RGS20: variants seen among roughly 807,000 people sequenced by gnomAD.
The protein encoded by RGS20 is regulator of G protein signaling 20, also known as gz-selective GTPase-activating protein.
A neutral mutation model predicts 33.6 loss-of-function variants in RGS20; 30 were observed. The ratio of observed to expected loss-of-function variants is 0.89; its 90% CI spans 0.67 to 1.21. RGS20 has a LOEUF of 1.21. Ranked by LOEUF, RGS20 falls within the 50% of genes most tolerant of loss-of-function variation. The probability of loss-of-function intolerance (pLI) is 0.00; values close to 1 mark genes in which losing one functional copy is unlikely to be tolerated. For missense variants in RGS20, 472 were observed against 502.4 expected (o/e 0.94, Z 0.58); for synonymous variants, 208 against 197.9 (o/e 1.05, Z -0.43).
At chr8:53,912,302 A>C (rs528787161) in intron 2 of RGS20, among the ~76,000 whole-genome samples, 35 of 152,006 alleles carry the variant, frequency 2.3e-4, no homozygotes, top group African/African-American at 7.7e-4. Context: ...AATGGAGTTG[A>C]GATTTAAGCC....
intron 1 of RGS20, among the ~76,000 whole-genome samples, chr8:53,862,210 A>G (rs1811824929): frequency 6.6e-6 from 1 of 152,152 alleles, no homozygotes; most frequent in South Asian, 2.1e-4. Context: ...ATTCTGGCCT[A>G]GTTTCTCCCT....
At chr8:53,902,506 G>A (rs1813058492) in intron 2 of RGS20, among the ~76,000 whole-genome samples, 1 of 152,180 alleles carries the variant, frequency 6.6e-6, no homozygotes, top group South Asian at 2.1e-4. Flanking sequence ...AGCGGTGCGG[G>A]AGAGTTCTGG....
chr8:53,879,294 G>T lies in RGS20; in HGVS notation c.202G>T (p.Ala68Ser). The stretch of plus-strand genomic sequence containing the variant: ...TGCACAGCTCCCAGACTCGCCCGCC[G>T]CCCCGAAGCTGTTCGGCCTCCTTTC... Residue 68 changes from alanine to serine, a missense_variant, in exon 2 of 6, where the codon GCC becomes TCC. By Grantham distance (99) the Ala-to-Ser change is moderately conservative. This residue lies in a region of RGS20 where 319 missense variants were observed against 283.4 expected (regional missense o/e 1.13). Coordinates refer to ENST00000297313, the MANE Select transcript of RGS20 (RefSeq NM_170587.4). The T allele has an allele frequency of 1.2e-6, 2 of 1,613,284 alleles. No homozygotes were observed. Among genetic ancestry groups the T allele is most frequent in the Non-Finnish European group, 1.7e-6 (2 of 1,179,886 alleles).
chr8:53,918,594 G>T (rs1387208868), intron 2 of RGS20, among the ~76,000 whole-genome samples: 1 of 151,948 alleles, frequency 6.6e-6, no homozygotes, highest in African/African-American at 2.4e-5. Flanking sequence ...CACTATGTTG[G>T]TCAGGCTGGT....
intron 1 of RGS20, among the ~76,000 whole-genome samples, chr8:53,862,809 A>T (rs1811838230): frequency 6.6e-6 from 1 of 152,166 alleles, no homozygotes; most frequent in Non-Finnish European, 1.5e-5. Flanking sequence ...TAAAAAGAAA[A>T]GAAAATCTCC....
intron 3 of RGS20, among the ~76,000 whole-genome samples, chr8:53,941,344 T>G (rs1014594955): frequency 6.6e-6 from 1 of 152,028 alleles, no homozygotes; most frequent in Non-Finnish European, 1.5e-5. Flanking sequence ...TTCAAGAGTG[T>G]GGGTAAAATA....
chr8:53,898,714 A>G (rs762778872), intron 2 of RGS20, among the ~76,000 whole-genome samples: 3 of 152,264 alleles, frequency 2.0e-5, no homozygotes, highest in Non-Finnish European at 4.4e-5. Context: ...TAAAAGCTGA[A>G]CTGTAATTAG....
At chr8:53,950,515 G>A (rs918295837) in intron 4 of RGS20, among the ~76,000 whole-genome samples, 3 of 152,046 alleles carry the variant, frequency 2.0e-5, no homozygotes, top group Non-Finnish European at 4.4e-5. Context: ...TTCAGATTTT[G>A]GAGCAATATG....
At chr8:53,860,724 G>T (rs1203446243) in intron 1 of RGS20, among the ~76,000 whole-genome samples, 1 of 152,222 alleles carries the variant, frequency 6.6e-6, no homozygotes, top group Non-Finnish European at 1.5e-5. Flanking sequence ...CCAGCACTCT[G>T]GGAGGCCAAG....
chr8:53,866,917 A>ATG (rs1172286907), intron 1 of RGS20, among the ~76,000 whole-genome samples: 2 of 152,044 alleles, frequency 1.3e-5, no homozygotes, highest in African/African-American at 4.8e-5. Flanking sequence ...TGGGGTTTGG[A>ATG]CGTGTGTGTG....
intron 1 of RGS20, among the ~76,000 whole-genome samples, chr8:53,867,289 C>A (rs1811942166): frequency 6.6e-6 from 1 of 152,128 alleles, no homozygotes; most frequent in Admixed American, 6.6e-5. Context: ...TTCTGAGCAA[C>A]TCCATCCCCT....
At chr8:53,933,242 A>C (rs1000785430) in intron 2 of RGS20, among the ~76,000 whole-genome samples, 1 of 152,196 alleles carries the variant, frequency 6.6e-6, no homozygotes, top group Non-Finnish European at 1.5e-5. Context: ...CAAGGGAACA[A>C]AACTGGACAG....
intron 3 of RGS20, among the ~76,000 whole-genome samples, chr8:53,943,676 G>A (rs1043820374): frequency 1.2e-4 from 18 of 152,168 alleles, no homozygotes; most frequent in African/African-American, 3.9e-4. Flanking sequence ...GAGGGAAAAA[G>A]TATATCAAAG....
rs77338083 is a variant in RGS20, at chr8:53,896,733, A to T, written c.510+17131A>T. On this transcript the variant is annotated intron_variant, in intron 2 of 5. Coordinates refer to ENST00000297313, the MANE Select transcript of RGS20 (RefSeq NM_170587.4). ...TCCTTTGGGTATGCACTATTTCAAC[A>T]TTCAGCATTTTCATATTAACAGGAA... Among the ~76,000 whole-genome samples the T allele has an allele frequency of 5.6e-3, 857 of 152,342 alleles. 5 individuals are homozygous for T. The highest frequency in any genetic ancestry group is 9.1e-3 in the Non-Finnish European group (622 of 68,018).
chr8:53,956,001 G>C (rs1585968318), intron 5 of RGS20, among the ~76,000 whole-genome samples: 1 of 152,086 alleles, frequency 6.6e-6, no homozygotes, highest in African/African-American at 2.4e-5. Context: ...AGATGTGGGC[G>C]GACAGACCAG....
chr8:53,882,454 A>G (rs1391642698), intron 2 of RGS20, among the ~76,000 whole-genome samples: 2 of 152,070 alleles, frequency 1.3e-5, no homozygotes, highest in African/African-American at 4.8e-5. Context: ...GGGGGATCCC[A>G]GGGGAGCAGC....
At chr8:53,899,265 T>G (rs1812947724) in intron 2 of RGS20, among the ~76,000 whole-genome samples, 6 of 152,208 alleles carry the variant, frequency 3.9e-5, no homozygotes, top group Admixed American at 2.6e-4. Context: ...TGTCTCAGGT[T>G]TAAGTCACAG....
At chr8:53,879,676 C>T (rs1260317342) in intron 2 of RGS20, 1 of 1,219,082 alleles carries the variant, frequency 8.2e-7, no homozygotes, top group African/African-American at 1.6e-5. Context: ...TTCTTCCTAA[C>T]CCCAACTGAC....
At chr8:53,903,937 C>T (rs368590940) in intron 2 of RGS20, among the ~76,000 whole-genome samples, 5 of 152,088 alleles carry the variant, frequency 3.3e-5, no homozygotes, top group East Asian at 3.9e-4. Context: ...GGCCATATCA[C>T]GTGGAGAAGA....
Sources: gnomAD v4.1 joint callset for allele counts (sites outside exome capture counted in the v4.1 genomes callset) on GRCh38, gnomAD v4.1.1 for gene constraint, gnomAD v4.1.1 regional missense constraint, MANE v1.5 for transcripts, NCBI Gene and HGNC (gene_info 2026-07-23, HGNC 2026-07-21) for gene names.